TAFA4: variants seen among roughly 807,000 people sequenced by gnomAD.
TAFA4 encodes TAFA chemokine like family member 4.
In TAFA4, 20 loss-of-function variants were observed where a neutral mutation model predicts 21.1. The observed-to-expected ratio is 0.95, with a 90% confidence interval of 0.67 to 1.38. The LOEUF is 1.38. Among genes scored for constraint, TAFA4 ranks in the 40% most tolerant of loss-of-function variants. The pLI, the probability that TAFA4 is intolerant of heterozygous loss-of-function variation, is 0.00. For missense variants in TAFA4, 211 were observed against 180.9 expected, an observed-to-expected ratio of 1.17 and a Z score of -0.95; for synonymous variants, 71 against 67.4, an observed-to-expected ratio of 1.05 and a Z score of -0.26.
At chr3:68,836,826 C>A (rs1704533987) in intron 3 of TAFA4, among the ~76,000 whole-genome samples, 1 of 152,138 alleles carries the variant, frequency 6.6e-6, no homozygotes, top group South Asian at 2.1e-4. Context: ...GGGTTCAAGT[C>A]TTGACTATGC....
At chr3:68,893,118 C>A (rs2106968729) in intron 1 of TAFA4, among the ~76,000 whole-genome samples, 1 of 152,294 alleles carries the variant, frequency 6.6e-6, no homozygotes, top group Non-Finnish European at 1.5e-5. Context: ...ATTTTCCTCT[C>A]ATTTCTCATT....
At chr3:68,764,307 A>C (rs556841321) in intron 3 of TAFA4, among the ~76,000 whole-genome samples, 1 of 152,092 alleles carries the variant, frequency 6.6e-6, no homozygotes, top group South Asian at 2.1e-4. Flanking sequence ...GAGAGCCCCC[A>C]CCAGAAACTG....
chr3:68,882,674 C>CA (rs1244551338), intron 2 of TAFA4, among the ~76,000 whole-genome samples: 2 of 152,170 alleles, frequency 1.3e-5, no homozygotes, highest in African/African-American at 4.8e-5. Flanking sequence ...GTTACATTAA[C>CA]AAAAAATAAA....
chr3:68,879,524 C>T (rs977690231), intron 3 of TAFA4, among the ~76,000 whole-genome samples: 8 of 152,170 alleles, frequency 5.3e-5, no homozygotes, highest in African/African-American at 1.9e-4. Context: ...CAAACACTAT[C>T]CTCGTGAACA....
chr3:68,768,289 G>T (rs887253451), intron 3 of TAFA4, among the ~76,000 whole-genome samples: 5 of 152,068 alleles, frequency 3.3e-5, no homozygotes, highest in African/African-American at 1.2e-4. Context: ...TGAAAAATGG[G>T]CAAAAGACCT....
intron 3 of TAFA4, among the ~76,000 whole-genome samples, chr3:68,763,277 T>A (rs192666155): frequency 2.6e-5 from 4 of 152,306 alleles, no homozygotes; most frequent in Admixed American, 2.6e-4. Flanking sequence ...AATTGTAAAA[T>A]GGAGGATGAT....
chr3:68,825,735 C>T (rs986262741), intron 3 of TAFA4, among the ~76,000 whole-genome samples: 3 of 152,130 alleles, frequency 2.0e-5, no homozygotes, highest in Non-Finnish European at 4.4e-5. Context: ...TCTGTGAGGC[C>T]TTCCAAAGCA....
intron 4 of TAFA4, among the ~76,000 whole-genome samples, chr3:68,749,438 G>A (rs1197605469): frequency 6.6e-6 from 1 of 152,136 alleles, no homozygotes; most frequent in East Asian, 1.9e-4. Flanking sequence ...ACAGATAAGA[G>A]GAACATATCA....
intron 3 of TAFA4, among the ~76,000 whole-genome samples, chr3:68,822,824 G>A (rs527708252): frequency 2.0e-5 from 3 of 152,210 alleles, no homozygotes; most frequent in South Asian, 2.1e-4. Flanking sequence ...ATTCTAAGAT[G>A]GAATTAATTT....
At chr3:68,917,753 C>CCAAAAAAA (rs764665164) in intron 1 of TAFA4, among the ~76,000 whole-genome samples, 5 of 58,200 alleles carry the variant, frequency 8.6e-5, no homozygotes, top group African/African-American at 3.2e-4. Flanking sequence ...GACTCTGTCT[C>CCAAAAAAA]AAAAAAAAAA....
intron 3 of TAFA4, among the ~76,000 whole-genome samples, chr3:68,873,311 ACAC>A (rs1198955705): frequency 1.4e-5 from 2 of 143,014 alleles, no homozygotes; most frequent in African/African-American, 5.0e-5. Flanking sequence ...ACAGACACAC[ACAC>A]AACAGACAGA....
intron 3 of TAFA4, among the ~76,000 whole-genome samples, chr3:68,822,533 C>CA (rs1161569712): frequency 1.3e-5 from 2 of 152,292 alleles, no homozygotes; most frequent in Admixed American, 1.3e-4. Flanking sequence ...TGCAGGGGTG[C>CA]AATCATAGCT....
At chr3:68,815,095 A>C (rs963885145) in intron 3 of TAFA4, among the ~76,000 whole-genome samples, 3 of 152,242 alleles carry the variant, frequency 2.0e-5, no homozygotes, top group Non-Finnish European at 2.9e-5. Context: ...TGGTGCTGGG[A>C]AACCTGGCTA....
rs137858213 is a variant in TAFA4, at chr3:68,827,262, C to G, written c.130+53468G>C. Among the ~76,000 whole-genome samples the G allele has an allele frequency of 6.6e-3, 1,001 of 152,254 alleles. 11 individuals are homozygous for G. The highest frequency in any genetic ancestry group is 0.022 in the African/African-American group (929 of 41,536). On this transcript the variant is annotated intron_variant, in intron 3 of 5. Transcript: ENST00000295569. Reference sequence around the variant, plus strand: ...AGTATTTCATGGCGTGTATGTGCCACATTTTCTTTATCCAGTCTATTATTG... The same window carrying G: ...AGTATTTCATGGCGTGTATGTGCCAGATTTTCTTTATCCAGTCTATTATTG...
intron 3 of TAFA4, among the ~76,000 whole-genome samples, chr3:68,780,871 T>G (rs952988723): frequency 6.6e-6 from 1 of 150,570 alleles, no homozygotes; most frequent in Non-Finnish European, 1.5e-5. Flanking sequence ...TATGGAATAT[T>G]CATCAAGTCA....
At chr3:68,774,478 GA>G (rs1703015865) in intron 3 of TAFA4, among the ~76,000 whole-genome samples, 2 of 152,136 alleles carry the variant, frequency 1.3e-5, no homozygotes, top group African/African-American at 4.8e-5. Context: ...ACATCAGAAA[GA>G]AAACCAAGAA....
At chr3:68,852,848 G>A (rs568868167) in intron 3 of TAFA4, among the ~76,000 whole-genome samples, 1 of 152,014 alleles carries the variant, frequency 6.6e-6, no homozygotes, top group African/African-American at 2.4e-5. Flanking sequence ...TGAAATCCTG[G>A]GATCCTGTGA....
chr3:68,921,637 C>G (rs1351450730), intron 1 of TAFA4, among the ~76,000 whole-genome samples: 1 of 152,162 alleles, frequency 6.6e-6, no homozygotes, highest in Non-Finnish European at 1.5e-5. Context: ...TCGATTATTC[C>G]CAGAACGAAT....
At chr3:68,809,519 A>ATTTTTTT in intron 3 of TAFA4, among the ~76,000 whole-genome samples, 1 of 127,140 alleles carries the variant, frequency 7.9e-6, no homozygotes, top group Non-Finnish European at 1.6e-5. Context: ...CACTATGTTG[A>ATTTTTTT]TTTTTTTTTT....
Sources: allele counts gnomAD v4.1 joint callset (sites outside exome capture counted in the v4.1 genomes callset), GRCh38; gene constraint gnomAD v4.1.1; transcripts MANE v1.5; gene names NCBI Gene and HGNC (gene_info 2026-07-23, HGNC 2026-07-21).